Variants in ST7 observed in about 807,000 individuals in gnomAD.
ST7 encodes suppressor of tumorigenicity 7 protein.
ST7 carries 28 observed loss-of-function variants against 78.7 expected under a neutral mutation model. The observed-to-expected ratio is 0.36, with a 90% CI of 0.26 to 0.49. The LOEUF (loss-of-function observed/expected upper bound fraction) is 0.49. Among genes scored for constraint, ST7 ranks in the 20% least tolerant of loss-of-function variants. The pLI, the probability that ST7 is intolerant of heterozygous loss-of-function variation, is 0.99. For missense variants in ST7, 418 were observed against 696.0 expected (o/e 0.60, Z 4.49); for synonymous variants, 247 against 249.6 (o/e 0.99, Z 0.10).
At chr7:117,107,603 CTTTT>C (rs71528121) in intron 2 of ST7, among the ~76,000 whole-genome samples, 5 of 73,582 alleles carry the variant, frequency 6.8e-5, no homozygotes, top group Non-Finnish European at 5.4e-5. Context: ...TAGCCCACTT[CTTTT>C]TTTTTTTTTT....
chr7:116,979,174 C>A (rs1021842989), intron 1 of ST7, among the ~76,000 whole-genome samples: 2 of 152,162 alleles, frequency 1.3e-5, no homozygotes, highest in Admixed American at 6.5e-5. Context: ...CTATTAATCC[C>A]CTGTTGGGGT....
intron 9 of ST7, among the ~76,000 whole-genome samples, chr7:117,157,107 G>A (rs945841112): frequency 6.6e-6 from 1 of 152,224 alleles, no homozygotes. Flanking sequence ...AGTGTATGCG[G>A]GTCTGTTACT....
Position 117,105,618 on chromosome 7 carries a change from A to G in ST7, c.234+5774A>G, listed in dbSNP as rs894814621. Among the ~76,000 whole-genome samples, 6 of 152,220 alleles carry G rather than the reference A, an allele frequency of 3.9e-5. No individual in the cohort carries two copies. In the South Asian group the frequency reaches 1.0e-3, roughly 26 times the overall value. ...ATAGGTACAAATATACCAGTTAAATAGAATAAATAAGATCTAATGTTTGAC... is the reference window on the plus strand; with the variant it reads ...ATAGGTACAAATATACCAGTTAAATGGAATAAATAAGATCTAATGTTTGAC... On this transcript the variant is annotated intron_variant, in intron 2 of 15. Coordinates refer to ENST00000323984, the MANE Select transcript of ST7 (RefSeq NM_001369598.1).
intron 1 of ST7, among the ~76,000 whole-genome samples, chr7:117,023,580 T>C (rs1224381300): frequency 6.6e-6 from 1 of 152,188 alleles, no homozygotes; most frequent in Non-Finnish European, 1.5e-5. Context: ...ACCATCTTGA[T>C]GTATTTCACT....
chr7:117,123,520 C>G (rs1470270493), intron 3 of ST7, among the ~76,000 whole-genome samples: 1 of 152,108 alleles, frequency 6.6e-6, no homozygotes, highest in Non-Finnish European at 1.5e-5. Context: ...GATTGTTTGG[C>G]TGAAGTTAGC....
chr7:117,217,073 T>G (rs1482534424), intron 13 of ST7, among the ~76,000 whole-genome samples: 2 of 152,116 alleles, frequency 1.3e-5, no homozygotes, highest in East Asian at 3.9e-4. Flanking sequence ...ACCATTAGAT[T>G]TCTATGGTTG....
At chr7:117,171,937 C>T (rs1268583088) in intron 10 of ST7, among the ~76,000 whole-genome samples, 2 of 147,154 alleles carry the variant, frequency 1.4e-5, no homozygotes, top group African/African-American at 5.1e-5. Context: ...CAAACTATAC[C>T]ATTTGGGTCT....
In ST7 at chr7:117,165,910, G is replaced by A. The variant is rs533949055; in HGVS notation, c.964-4952G>A. Among the ~76,000 whole-genome samples, 17 of 152,276 alleles carry A rather than the reference G, an allele frequency of 1.1e-4. No homozygotes were observed. In the East Asian group the frequency reaches 2.9e-3, roughly 26 times the overall value. On this transcript the variant is annotated intron_variant, in intron 9 of 15. Transcript: ENST00000323984. ...CTGTTCTATGCCAGATGCGTGGTGC[G>A]TGTGAAGTGGCTAGAAGTGAGGTTG...
At chr7:117,164,418 A>G (rs1011241734) in intron 9 of ST7, among the ~76,000 whole-genome samples, 2 of 152,174 alleles carry the variant, frequency 1.3e-5, no homozygotes, top group African/African-American at 4.8e-5. Flanking sequence ...GATAGAAACA[A>G]TGGAAAATGG....
At chr7:117,214,521 G>A (rs1343886156) in intron 13 of ST7, among the ~76,000 whole-genome samples, 1 of 152,078 alleles carries the variant, frequency 6.6e-6, no homozygotes, top group Non-Finnish European at 1.5e-5. Flanking sequence ...CATAAGGCTG[G>A]CACCTTTTGA....
chr7:117,048,785 ATCCT>A (rs1797618869), intron 1 of ST7, among the ~76,000 whole-genome samples: 1 of 152,110 alleles, frequency 6.6e-6, no homozygotes, highest in Non-Finnish European at 1.5e-5. Flanking sequence ...CAATGGTATA[ATCCT>A]TCCACACTTT....
chr7:116,971,671 G>T (rs2116256214), intron 1 of ST7, among the ~76,000 whole-genome samples: 1 of 152,308 alleles, frequency 6.6e-6, no homozygotes. Flanking sequence ...GAGCAATGAG[G>T]TTTCCAATAG....
intron 1 of ST7, among the ~76,000 whole-genome samples, chr7:117,067,222 T>A (rs1798686479): frequency 6.6e-6 from 1 of 152,064 alleles, no homozygotes; most frequent in Admixed American, 6.6e-5. Flanking sequence ...AGTTTTTGCA[T>A]GGACATGTGT....
At chr7:117,120,275 A>G (rs531641655) in intron 3 of ST7, among the ~76,000 whole-genome samples, 1 of 152,270 alleles carries the variant, frequency 6.6e-6, no homozygotes, top group African/African-American at 2.4e-5. Flanking sequence ...CATTTAGGTC[A>G]GTGTTCCCAA....
chr7:117,206,497 T>C (rs1380092309), intron 12 of ST7, among the ~76,000 whole-genome samples: 3 of 151,884 alleles, frequency 2.0e-5, no homozygotes, highest in African/African-American at 7.3e-5. Flanking sequence ...TACACAAAGA[T>C]TGGAGAGAAC....
At chr7:117,012,431 A>C (rs979598060) in intron 1 of ST7, among the ~76,000 whole-genome samples, 10 of 152,136 alleles carry the variant, frequency 6.6e-5, no homozygotes, top group Non-Finnish European at 1.3e-4. Flanking sequence ...TCCATGCCTC[A>C]GTTCTTCATC....
chr7:116,960,962 A>G (rs1792795291), intron 1 of ST7, among the ~76,000 whole-genome samples: 1 of 152,160 alleles, frequency 6.6e-6, no homozygotes, highest in Non-Finnish European at 1.5e-5. Flanking sequence ...TTTTACATTT[A>G]AGTCTCTAAT....
chr7:116,972,913 G>A (rs1205941289), intron 1 of ST7: 2 of 1,325,232 alleles, frequency 1.5e-6, no homozygotes, highest in South Asian at 1.2e-5. Flanking sequence ...CCCAGCCATG[G>A]TGCCCACTCA....
intron 12 of ST7, among the ~76,000 whole-genome samples, chr7:117,193,980 C>T (rs985407506): frequency 1.3e-5 from 2 of 152,224 alleles, no homozygotes; most frequent in Admixed American, 6.5e-5. Flanking sequence ...CTCTTAGGAA[C>T]TCTCTTCACT....
Sources: allele counts gnomAD v4.1 joint callset (sites outside exome capture counted in the v4.1 genomes callset), GRCh38; gene constraint gnomAD v4.1.1; transcripts MANE v1.5; gene names NCBI Gene and HGNC (gene_info 2026-07-23, HGNC 2026-07-21).